The following STIM2 variants were observed in gnomAD, a reference collection of about 807,000 sequenced individuals.
STIM2 encodes stromal interaction molecule 2.
A neutral mutation model predicts 85.8 loss-of-function variants in STIM2; 31 were observed. The observed-to-expected ratio is 0.36, with a 90% CI of 0.27 to 0.49. STIM2 has a LOEUF of 0.49. STIM2 is among the 20% of genes least tolerant of loss of function. The pLI is 0.98. For missense variants in STIM2, 841 were observed against 927.6 expected (o/e 0.91, Z 1.21); for synonymous variants, 356 against 331.1 (o/e 1.08, Z -0.82).
intron 2 of STIM2, among the ~76,000 whole-genome samples, chr4:26,953,325 A>C (rs890375931): frequency 2.0e-5 from 3 of 152,156 alleles, no homozygotes; most frequent in African/African-American, 7.2e-5. Flanking sequence ...ACATATAAAA[A>C]CCACTCAAAA....
chr4:26,917,712 A>G (rs757357482), intron 1 of STIM2, among the ~76,000 whole-genome samples: 1 of 152,206 alleles, frequency 6.6e-6, no homozygotes, highest in Non-Finnish European at 1.5e-5. Flanking sequence ...CTATTTAACC[A>G]GAGTGAGAGA....
In STIM2 at chr4:27,025,171, T is replaced by G. The variant is rs535031892; in HGVS notation, c.*2175T>G. Reference sequence around the variant, plus strand: ...GATATTTACTGCTTTATGTTGCTTATGATAATTATTTTGCATTAATACAGT... The same window carrying G: ...GATATTTACTGCTTTATGTTGCTTAGGATAATTATTTTGCATTAATACAGT... On this transcript the variant is annotated 3_prime_UTR_variant, in exon 12 of 12. Transcript: ENST00000467087. The G allele has an allele frequency of 6.6e-6, 1 of 152,338 alleles. No homozygotes were observed. Among genetic ancestry groups the G allele is most frequent in the Admixed American group, 6.5e-5 (1 of 15,308 alleles). 9.4% of individuals were successfully genotyped at this position (152,338 alleles called of 1,614,324 possible). A position where few individuals can be genotyped will look rare whatever the true frequency, so the allele number is the denominator to read the frequency against.
intron 2 of STIM2, among the ~76,000 whole-genome samples, chr4:26,946,224 G>C (rs866623122): frequency 2.6e-5 from 4 of 152,142 alleles, no homozygotes; most frequent in African/African-American, 9.7e-5. Context: ...TGAGTAATGA[G>C]TTAAGATTTA....
intron 2 of STIM2, among the ~76,000 whole-genome samples, chr4:26,935,477 G>A (rs905458935): frequency 6.6e-6 from 1 of 152,190 alleles, no homozygotes; most frequent in Admixed American, 6.5e-5. Context: ...AGAAGTAGAT[G>A]AAAATGGAGT....
At position 26,914,517 on chromosome 4, in the gene STIM2, C is replaced by T. The variant is rs372154988; in HGVS notation, c.152-4987C>T. The stretch of plus-strand genomic sequence containing the variant: ...TTTATTTGTATATCTGTCATTGTAT[C>T]TGCCATCTTTATTTATTTGTTTTTA... On this transcript the variant is annotated intron_variant, in intron 1 of 11. Transcript: ENST00000467087. 1.4e-4 allele frequency among the ~76,000 whole-genome samples: 21 copies of T among 152,236 alleles called. No homozygotes were observed. The East Asian group carries it at 2.1e-3, about 15-fold the overall frequency.
At chr4:27,019,571 T>G in intron 11 of STIM2, 1 of 1,032,340 alleles carries the variant, frequency 9.7e-7, no homozygotes, top group Admixed American at 2.5e-5. Context: ...CTAGCTCTCA[T>G]AAATAAGAGA....
At chr4:26,868,890 G>A (rs970990596) in intron 1 of STIM2, among the ~76,000 whole-genome samples, 1 of 152,050 alleles carries the variant, frequency 6.6e-6, no homozygotes, top group Non-Finnish European at 1.5e-5. Flanking sequence ...AATCCTCGCC[G>A]TTTCTTTCTT....
At chr4:27,002,500 C>T in intron 6 of STIM2, 106 bp downstream of exon 6, 2 of 777,244 alleles carry the variant, frequency 2.6e-6, no homozygotes, top group Non-Finnish European at 4.0e-6. Context: ...TTATACACAT[C>T]AGGAATAGAT....
At chr4:26,900,576 G>T (rs1439380211) in intron 1 of STIM2, among the ~76,000 whole-genome samples, 2 of 152,052 alleles carry the variant, frequency 1.3e-5, no homozygotes, top group African/African-American at 4.8e-5. Context: ...AAATTCAGTT[G>T]AAATTTTACT....
chr4:26,907,215 T>C (rs1724164161), intron 1 of STIM2, among the ~76,000 whole-genome samples: 1 of 152,062 alleles, frequency 6.6e-6, no homozygotes, highest in Non-Finnish European at 1.5e-5. Context: ...GTTGAGAGAG[T>C]GAGTCCCTAA....
chr4:26,988,573 C>T (rs186627270), intron 3 of STIM2, among the ~76,000 whole-genome samples: 1 of 152,242 alleles, frequency 6.6e-6, no homozygotes, highest in Non-Finnish European at 1.5e-5. Context: ...TGTTCCTGCA[C>T]AATGTTTAAC....
At chr4:26,929,683 T>G (rs987642823) in intron 2 of STIM2, among the ~76,000 whole-genome samples, 1 of 152,132 alleles carries the variant, frequency 6.6e-6, no homozygotes, top group Admixed American at 6.6e-5. Flanking sequence ...TGAAAAATTC[T>G]TTATTTTTAT....
At chr4:26,995,958 T>C (rs1049449276) in intron 4 of STIM2, among the ~76,000 whole-genome samples, 2 of 152,086 alleles carry the variant, frequency 1.3e-5, no homozygotes, top group African/African-American at 2.4e-5. Flanking sequence ...GCAACCATTT[T>C]AAAATGTATG....
At chr4:26,971,858 C>T (rs1340014455) in intron 3 of STIM2, among the ~76,000 whole-genome samples, 2 of 152,158 alleles carry the variant, frequency 1.3e-5, no homozygotes, top group Non-Finnish European at 2.9e-5. Flanking sequence ...GATATTAATT[C>T]TTCCTATCCA....
intron 2 of STIM2, among the ~76,000 whole-genome samples, chr4:26,923,011 G>C (rs1724861344): frequency 6.6e-6 from 1 of 151,834 alleles, no homozygotes; most frequent in South Asian, 2.1e-4. Flanking sequence ...GGTTCTCCCA[G>C]CATGCAGCTG....
chr4:26,877,449 A>T (rs1194337834), intron 1 of STIM2, among the ~76,000 whole-genome samples: 1 of 150,438 alleles, frequency 6.6e-6, no homozygotes, highest in Admixed American at 6.6e-5. Flanking sequence ...AACATCTCTG[A>T]TTAGTTCCAA....
At chr4:26,974,577 G>T (rs190533573) in intron 3 of STIM2, among the ~76,000 whole-genome samples, 437 of 152,264 alleles carry the variant, frequency 2.9e-3, no homozygotes, top group African/African-American at 0.01. Context: ...CCACTCTCTT[G>T]TGGCTTGTAG....
At position 27,023,145 on chromosome 4, in the gene STIM2, G is replaced by A. The variant is rs1460184941; in HGVS notation, c.*149G>A. ...GGATGCCATAGTGGAACATCCAGAA[G>A]GGCAACTGTCTACTGTCTGCTTATT... is the stretch of plus-strand genomic sequence containing the variant. On this transcript the variant is annotated 3_prime_UTR_variant, in exon 12 of 12. Coordinates refer to ENST00000467087, the MANE Select transcript of STIM2 (RefSeq NM_020860.4). 5 of 719,278 alleles carry A rather than the reference G, an allele frequency of 7.0e-6. No homozygotes were observed. The highest frequency in any genetic ancestry group is 2.4e-5 in the Admixed American group (1 of 42,052). The allele number at this position is 719,278 out of a possible 1,614,324, so 44.6% of individuals were successfully genotyped here. A position where few individuals can be genotyped will look rare whatever the true frequency, so the allele number is the denominator to read the frequency against.
intron 2 of STIM2, among the ~76,000 whole-genome samples, chr4:26,953,223 G>A (rs537284608): frequency 6.6e-6 from 1 of 152,272 alleles, no homozygotes; most frequent in Admixed American, 6.5e-5. Flanking sequence ...ATAAATGTCT[G>A]ATATTCCCCA....
Sources: gnomAD v4.1 joint callset for allele counts (sites outside exome capture counted in the v4.1 genomes callset) on GRCh38, gnomAD v4.1.1 for gene constraint, MANE v1.5 for transcripts, NCBI Gene and HGNC (gene_info 2026-07-23, HGNC 2026-07-21) for gene names.